The following STARD13 variants were observed in gnomAD, a reference collection of about 807,000 sequenced individuals.
STARD13 encodes StAR related lipid transfer domain containing 13, also known as stAR-related lipid transfer protein 13.
STARD13 carries 62 observed loss-of-function variants against 106.4 expected under a neutral mutation model. The ratio of observed to expected loss-of-function variants is 0.58; its 90% CI spans 0.48 to 0.72. The LOEUF (loss-of-function observed/expected upper bound fraction) is 0.72. Among genes scored for constraint, STARD13 ranks in the 30% least tolerant of loss-of-function variants. The pLI, the probability that STARD13 is intolerant of heterozygous loss-of-function variation, is 0.00. For synonymous variants in STARD13, 565 were observed against 553.0 expected (o/e 1.02, Z -0.31); for missense variants, 1,387 against 1,424.0 (o/e 0.97, Z 0.42).
chr13:33,244,103 G>C (rs2138260563), intron 1 of STARD13, among the ~76,000 whole-genome samples: 1 of 150,924 alleles, frequency 6.6e-6, no homozygotes, highest in South Asian at 2.1e-4. Flanking sequence ...CAAAGGAAAT[G>C]CTCACTGGAG....
chr13:33,653,292 G>T, the STARD13 span, among the ~76,000 whole-genome samples: 1 of 152,134 alleles, frequency 6.6e-6, no homozygotes, highest in Non-Finnish European at 1.5e-5. Flanking sequence ...TAAACTTGCA[G>T]TAATCAAAAC....
At chr13:33,511,888 G>C in the STARD13 span, among the ~76,000 whole-genome samples, 1 of 152,118 alleles carries the variant, frequency 6.6e-6, no homozygotes, top group Non-Finnish European at 1.5e-5. Flanking sequence ...TAATAAAATT[G>C]AGTCTTTAAC....
At chr13:33,287,600 C>CATGGATG (rs11281539), upstream of STARD13, among the ~76,000 whole-genome samples, 5 of 152,012 alleles carry the variant, frequency 3.3e-5, no homozygotes, top group Non-Finnish European at 7.4e-5. Flanking sequence ...TCGGCAGAAG[C>CATGGATG]TCGAATGGAG....
At chr13:33,150,934 C>T (rs776173014) in intron 3 of STARD13, among the ~76,000 whole-genome samples, 23 of 152,120 alleles carry the variant, frequency 1.5e-4, no homozygotes, top group Non-Finnish European at 2.9e-4. Context: ...AAGTTAGGTG[C>T]TGGGAATACA....
At chr13:33,537,170 C>T in the STARD13 span, among the ~76,000 whole-genome samples, 1 of 152,200 alleles carries the variant, frequency 6.6e-6, no homozygotes, top group East Asian at 1.9e-4. Flanking sequence ...AAGTTGTTTA[C>T]ATAGCTGTGA....
chr13:33,605,238 CAAAAA>C, the STARD13 span, among the ~76,000 whole-genome samples: 1 of 84,780 alleles, frequency 1.2e-5, no homozygotes, highest in African/African-American at 3.9e-5. Context: ...GATCCTGTCT[CAAAAA>C]AAAAAAAAAA....
chr13:33,310,631 C>A (rs888831313), intron 1 of STARD13, among the ~76,000 whole-genome samples: 1 of 152,020 alleles, frequency 6.6e-6, no homozygotes, highest in Admixed American at 6.6e-5. Context: ...TTCTTATTCA[C>A]CTTGAATAAA....
intron 1 of STARD13, among the ~76,000 whole-genome samples, chr13:33,198,794 T>C (rs1227769090): frequency 1.3e-5 from 2 of 152,210 alleles, no homozygotes; most frequent in South Asian, 2.1e-4. Context: ...GTTATTGCAA[T>C]GGACCTATAA....
intron 1 of STARD13, among the ~76,000 whole-genome samples, chr13:33,176,896 G>T (rs987839459): frequency 6.6e-6 from 1 of 152,054 alleles, no homozygotes; most frequent in Non-Finnish European, 1.5e-5. Flanking sequence ...TATAATAGAA[G>T]TTTACAAATT....
the STARD13 span, among the ~76,000 whole-genome samples, chr13:33,407,924 A>T: frequency 6.6e-6 from 1 of 152,194 alleles, no homozygotes. Flanking sequence ...TAATTGTAGC[A>T]ATGTATTTTC....
chr13:33,283,887 T>A (rs554592267), intron 1 of STARD13, among the ~76,000 whole-genome samples: 13 of 152,330 alleles, frequency 8.5e-5, no homozygotes, highest in African/African-American at 3.1e-4. Context: ...TAAAATAAAT[T>A]ATTGTAAATA....
intron 1 of STARD13, among the ~76,000 whole-genome samples, chr13:33,328,676 T>C (rs1364621622): frequency 6.6e-6 from 1 of 152,250 alleles, no homozygotes; most frequent in East Asian, 1.9e-4. Context: ...TTTGTGGTCT[T>C]ATAAATACAG....
chr13:33,520,937 A>G, the STARD13 span, among the ~76,000 whole-genome samples: 2 of 152,134 alleles, frequency 1.3e-5, no homozygotes, highest in Admixed American at 1.3e-4. Context: ...AAGCCTCCAG[A>G]TATTCCTTCA....
the STARD13 span, among the ~76,000 whole-genome samples, chr13:33,543,856 T>C: frequency 6.6e-6 from 1 of 152,248 alleles, no homozygotes; most frequent in Non-Finnish European, 1.5e-5. Context: ...TTGTCAATAA[T>C]GCTTTTTGCT....
At chr13:33,184,442 A>T (rs1405462720) in intron 1 of STARD13, among the ~76,000 whole-genome samples, 2 of 152,196 alleles carry the variant, frequency 1.3e-5, no homozygotes, top group African/African-American at 4.8e-5. Context: ...GGATGTCTCT[A>T]GTGGATAAAG....
intron 12 of STARD13, among the ~76,000 whole-genome samples, chr13:33,109,563 C>T (rs1033818048): frequency 3.9e-5 from 6 of 152,152 alleles, no homozygotes; most frequent in Non-Finnish European, 7.3e-5. Flanking sequence ...AAAGTGCAAC[C>T]GGACAAACAG....
chr13:33,607,101 T>G, the STARD13 span, among the ~76,000 whole-genome samples: 1 of 151,560 alleles, frequency 6.6e-6, no homozygotes, highest in South Asian at 2.1e-4. Flanking sequence ...CAGTTTTGTT[T>G]TTTTTTTTTT....
chr13:33,282,857 T>A (rs1339379406), intron 1 of STARD13, among the ~76,000 whole-genome samples: 2 of 151,964 alleles, frequency 1.3e-5, no homozygotes, highest in African/African-American at 4.8e-5. Context: ...TGAGACCCTG[T>A]CTCTATAAAA....
chr13:33,245,160 C>T (rs779651879), intron 1 of STARD13, among the ~76,000 whole-genome samples: 3 of 152,178 alleles, frequency 2.0e-5, no homozygotes, highest in Non-Finnish European at 2.9e-5. Flanking sequence ...CATTGTGGGT[C>T]AGCTGGAAAC....
Sources: gnomAD v4.1 joint callset for allele counts (sites outside exome capture counted in the v4.1 genomes callset) on GRCh38, gnomAD v4.1.1 for gene constraint, MANE v1.5 for transcripts, NCBI Gene and HGNC (gene_info 2026-07-23, HGNC 2026-07-21) for gene names.